The following SLC9C1 variants were observed in gnomAD, a reference collection of about 807,000 sequenced individuals.
The protein encoded by SLC9C1 is sodium/hydrogen exchanger 10.
SLC9C1 carries 97 observed loss-of-function variants against 140.9 expected under a neutral mutation model. The observed-to-expected ratio is 0.69, with a 90% CI of 0.58 to 0.82. The LOEUF (loss-of-function observed/expected upper bound fraction) is 0.82. Among genes scored for constraint, SLC9C1 ranks in the 40% least tolerant of loss-of-function variants. The probability of loss-of-function intolerance (pLI) is 0.00; values close to 1 mark genes in which losing one functional copy is unlikely to be tolerated. For synonymous variants in SLC9C1, 440 were observed against 442.6 expected (o/e 0.99, Z 0.07); for missense variants, 1,340 against 1,389.3 (o/e 0.96, Z 0.56).
intron 12 of SLC9C1, among the ~76,000 whole-genome samples, chr3:112,237,182 G>A (rs2079011620): frequency 6.6e-6 from 1 of 152,282 alleles, no homozygotes; most frequent in South Asian, 2.1e-4. Flanking sequence ...AGGAGAGTTA[G>A]CTCTTTTTGT....
Position 112,179,704 on chromosome 3 carries a change from G to A in SLC9C1, c.2749-3C>T. 17 of 1,578,978 alleles carry A rather than the reference G, an allele frequency of 1.1e-5. No individual in the cohort carries two copies. The highest frequency in any genetic ancestry group is 1.5e-5 in the Non-Finnish European group (17 of 1,168,986). ...AAACCTGGCTTTGATTTTTCAAGCT[G>A]TTCAGGAACAAAGAAAGAGAAAAAT... On this transcript the variant is annotated splice_region_variant and splice_polypyrimidine_tract_variant and intron_variant, in intron 22 of 28. Transcript: ENST00000305815.
intron 10 of SLC9C1, among the ~76,000 whole-genome samples, chr3:112,250,375 C>G (rs4401341): frequency 0.58 from 84,357 of 144,272 alleles, 25,262 homozygotes; most frequent in East Asian, 0.78. Flanking sequence ...ATAAACATAC[C>G]TGTGCATGTG....
chr3:112,266,404 C>T, intron 7 of SLC9C1, 64 bp from the exon 8 acceptor site: 2 of 1,289,934 alleles, frequency 1.6e-6, no homozygotes, highest in Non-Finnish European at 2.2e-6. Flanking sequence ...CAAATTTTAC[C>T]CGAGTTAAAA....
chr3:112,284,979 A>ATT (rs1486447389), intron 2 of SLC9C1, among the ~76,000 whole-genome samples: 3 of 97,608 alleles, frequency 3.1e-5, no homozygotes, highest in Admixed American at 1.2e-4. Flanking sequence ...AAAAAATACA[A>ATT]TTTTTCTTTT....
chr3:112,221,329 T>C (rs2078536320), intron 13 of SLC9C1, 104 bp from the exon 14 acceptor site: 1 of 903,604 alleles, frequency 1.1e-6, no homozygotes, highest in Non-Finnish European at 1.7e-6. Flanking sequence ...AAACAATCAA[T>C]CTAGTCTGTT....
At chr3:112,159,607 G>A (rs1249660040) in intron 26 of SLC9C1, among the ~76,000 whole-genome samples, 1 of 151,922 alleles carries the variant, frequency 6.6e-6, no homozygotes, top group Non-Finnish European at 1.5e-5. Context: ...TAACTCCAAC[G>A]TTTGTTTATT....
Position 112,157,533 on chromosome 3 carries a change from T to G in SLC9C1, c.3365-2484A>C, listed in dbSNP as rs537428870. 3.6e-4 allele frequency among the ~76,000 whole-genome samples: 54 copies of G among 151,944 alleles called. 1 individual carries two copies. The highest frequency in any genetic ancestry group is 5.0e-4 in the Non-Finnish European group (34 of 67,898). The stretch of plus-strand genomic sequence containing the variant: ...TTGTGGTTCCCTATGGATTTTAGGA[T>G]TTTTTTTCTATGTCTGTGGAGAATG... On this transcript the variant is annotated intron_variant, in intron 26 of 28. Transcript: ENST00000305815.
At chr3:112,239,797 T>C (rs754425982) in intron 12 of SLC9C1, 43 bp downstream of exon 12, 4 of 1,518,912 alleles carry the variant, frequency 2.6e-6, no homozygotes, top group Middle Eastern at 2.1e-4. Flanking sequence ...TTCAGTATAA[T>C]CAAATCTGCA....
intron 26 of SLC9C1, among the ~76,000 whole-genome samples, chr3:112,161,002 G>T (rs972096506): frequency 1.3e-4 from 20 of 152,162 alleles, no homozygotes; most frequent in African/African-American, 4.6e-4. Context: ...GTTTTGATTT[G>T]CATTTCTCTG....
Position 112,291,043 on chromosome 3 carries a change from T to G in SLC9C1, c.-88+3050A>C, listed in dbSNP as rs188278186. Among the ~76,000 whole-genome samples the G allele has an allele frequency of 9.9e-5, 15 of 152,264 alleles. No homozygotes were observed. In the East Asian group the frequency reaches 2.9e-3, roughly 29 times the overall value. On this transcript the variant is annotated intron_variant, in intron 1 of 28. Coordinates refer to ENST00000305815, the MANE Select transcript of SLC9C1 (RefSeq NM_183061.3). ...AATTGGGGCAGTTAGCCCATTTACT[T>G]TCGAGGTTAGTATTGATACATGTGG...
In SLC9C1 at chr3:112,264,313, A is replaced by C; in HGVS notation, c.909T>G (p.Phe303Leu). ...EFWTFLSRIA[F>L]LMVFTFFGLL... ...GTCCAAAGAAAGTAAACACCATGAGAAAAGCAATACGTGATAGAAAAGTCC... is the reference window on the plus strand; with the variant it reads ...GTCCAAAGAAAGTAAACACCATGAGCAAAGCAATACGTGATAGAAAAGTCC... Residue 303 changes from phenylalanine to leucine, a missense_variant, in exon 9 of 29, where the codon TTT becomes TTG. Physicochemically the swap from Phe to Leu is conservative, Grantham distance 22. Coordinates refer to ENST00000305815, the MANE Select transcript of SLC9C1 (RefSeq NM_183061.3). 1.4e-6 allele frequency: 2 copies of C among 1,476,080 alleles called. No homozygotes were observed. The highest frequency in any genetic ancestry group is 1.8e-6 in the Non-Finnish European group (2 of 1,113,682). The allele number at this position is 1,476,080 out of a possible 1,614,324, so 91.4% of individuals were successfully genotyped here. A position where few individuals can be genotyped will look rare whatever the true frequency, so the allele number is the denominator to read the frequency against.
chr3:112,143,838 G>T (rs1342823991), intron 28 of SLC9C1, among the ~76,000 whole-genome samples: 1 of 152,076 alleles, frequency 6.6e-6, no homozygotes, highest in African/African-American at 2.4e-5. Flanking sequence ...TGTTTCCTAG[G>T]TTTTCATCTA....
intron 2 of SLC9C1, among the ~76,000 whole-genome samples, chr3:112,282,644 C>T (rs2108352622): frequency 7.7e-6 from 1 of 130,292 alleles, no homozygotes; most frequent in South Asian, 2.8e-4. Flanking sequence ...AAGGGCAGTA[C>T]ATTGTTCTTC....
At chr3:112,276,236 G>A (rs1253562291) in intron 5 of SLC9C1, among the ~76,000 whole-genome samples, 1 of 152,072 alleles carries the variant, frequency 6.6e-6, no homozygotes, top group African/African-American at 2.4e-5. Flanking sequence ...GAAAATGGAA[G>A]TATGGAAAAA....
At chr3:112,148,084 AT>A (rs1022590063) in intron 28 of SLC9C1, among the ~76,000 whole-genome samples, 2 of 151,932 alleles carry the variant, frequency 1.3e-5, no homozygotes, top group East Asian at 1.9e-4. Flanking sequence ...TGTATTTTCA[AT>A]TTTTTTAGGT....
At chr3:112,176,962 A>G in intron 23 of SLC9C1, among the ~76,000 whole-genome samples, 1 of 148,168 alleles carries the variant, frequency 6.7e-6, no homozygotes, top group South Asian at 2.2e-4. Context: ...TTTCTGTTAG[A>G]TATCTTGACT....
intron 25 of SLC9C1, 21 bp downstream of exon 25, chr3:112,168,856 C>G (rs1560024248): frequency 6.5e-7 from 1 of 1,548,236 alleles, no homozygotes. Flanking sequence ...GATCTGAAGA[C>G]AGGAATCAAT....
At chr3:112,250,469 G>A (rs13316797) in intron 10 of SLC9C1, among the ~76,000 whole-genome samples, 15,964 of 110,248 alleles carry the variant, frequency 0.14, 1,180 homozygotes, top group East Asian at 0.19. Context: ...CTAGTTCTAG[G>A]TCCCTGAGGA....
intron 13 of SLC9C1, among the ~76,000 whole-genome samples, chr3:112,226,651 G>A (rs2078689774): frequency 6.6e-6 from 1 of 152,072 alleles, no homozygotes; most frequent in Non-Finnish European, 1.5e-5. Context: ...GAATCCAGGA[G>A]GTAGAGTTTG....
Sources: gnomAD v4.1 joint callset for allele counts (sites outside exome capture counted in the v4.1 genomes callset) on GRCh38, gnomAD v4.1.1 for gene constraint, MANE v1.5 for transcripts, NCBI Gene and HGNC (gene_info 2026-07-23, HGNC 2026-07-21) for gene names.